Variants in GON4L observed in about 807,000 individuals in gnomAD.
GON4L encodes GON-4-like protein.
In GON4L, 87 loss-of-function variants were observed where a neutral mutation model predicts 211.8. That is an observed-to-expected ratio of 0.41 (90% CI 0.35 to 0.49). The LOEUF (loss-of-function observed/expected upper bound fraction) is 0.49. Among genes scored for constraint, GON4L ranks in the 20% least tolerant of loss-of-function variants. The probability of loss-of-function intolerance (pLI) is 0.15; values close to 1 mark genes in which losing one functional copy is unlikely to be tolerated. For missense variants in GON4L, 2,155 were observed against 2,659.5 expected (o/e 0.81, Z 4.17); for synonymous variants, 875 against 962.6 (o/e 0.91, Z 1.68).
intron 12 of GON4L, among the ~76,000 whole-genome samples, chr1:155,794,080 T>TC (rs1252563496): frequency 6.7e-6 from 1 of 149,526 alleles, no homozygotes; most frequent in East Asian, 2.0e-4. Context: ...CTTAAACCTC[T>TC]TTTTTTTTTC....
In GON4L at chr1:155,799,570, T is replaced by C. The variant is rs948581543; in HGVS notation, c.1646-4419A>G. Among the ~76,000 whole-genome samples, 3 of 152,220 alleles carry C rather than the reference T, an allele frequency of 2.0e-5. No individual in the cohort carries two copies. In the South Asian group the frequency reaches 6.2e-4, roughly 32 times the overall value. ...TCCCAGACCAGTAGTTTCCAATCCT[T>C]TAGATATATCAGAATTAGATCCCTA... is the stretch of plus-strand genomic sequence containing the variant. On this transcript the variant is annotated intron_variant, in intron 11 of 31. Coordinates refer to ENST00000368331, the MANE Select transcript of GON4L (RefSeq NM_001282860.2).
At chr1:155,767,039 AAAAAC>A (rs542258140) in intron 20 of GON4L, 2 of 558,878 alleles carry the variant, frequency 3.6e-6, no homozygotes, top group Non-Finnish European at 6.2e-6. Flanking sequence ...ACTCTGTCTC[AAAAAC>A]AAAACAAAAC....
chr1:155,848,185 T>C (rs957189866), intron 2 of GON4L, among the ~76,000 whole-genome samples: 4 of 152,204 alleles, frequency 2.6e-5, no homozygotes, highest in South Asian at 2.1e-4. Context: ...TTTTTCTCTA[T>C]TGGCTTGCAA....
intron 2 of GON4L, among the ~76,000 whole-genome samples, chr1:155,839,814 G>A (rs1428341837): frequency 6.6e-6 from 1 of 152,108 alleles, no homozygotes; most frequent in Non-Finnish European, 1.5e-5. Flanking sequence ...TCTAAAGAAT[G>A]GTCTCCTATG....
At chr1:155,785,028 A>C (rs1664804326) in intron 13 of GON4L, 1 of 415,796 alleles carries the variant, frequency 2.4e-6, no homozygotes, top group South Asian at 2.0e-5. Context: ...TGAGCCTAGA[A>C]GGTCAAGGCT....
intron 11 of GON4L, among the ~76,000 whole-genome samples, chr1:155,798,576 ATTTTTT>A (rs34273258): frequency 2.2e-5 from 2 of 89,542 alleles, no homozygotes; most frequent in African/African-American, 9.4e-5. Flanking sequence ...CGTCAGGCTA[ATTTTTT>A]TTTTTTTTTT....
intron 6 of GON4L, among the ~76,000 whole-genome samples, chr1:155,820,080 A>G (rs1240030294): frequency 6.6e-6 from 1 of 152,128 alleles, no homozygotes; most frequent in Admixed American, 6.5e-5. Flanking sequence ...CACCCAGCTA[A>G]TTTTTGTATT....
intron 10 of GON4L, among the ~76,000 whole-genome samples, chr1:155,810,081 C>T (rs1177315010): frequency 1.3e-5 from 2 of 148,696 alleles, no homozygotes; most frequent in African/African-American, 2.5e-5. Context: ...CTGCAACCTC[C>T]GCTTCCTGGG....
downstream of GON4L, among the ~76,000 whole-genome samples, chr1:155,745,346 G>A (rs1271171902): frequency 6.6e-6 from 1 of 152,266 alleles, no homozygotes; most frequent in African/African-American, 2.4e-5. Context: ...GGGGATCTGT[G>A]GACTTCTGAA....
chr1:155,809,232 G>A (rs1001976774), intron 10 of GON4L, among the ~76,000 whole-genome samples: 1 of 152,000 alleles, frequency 6.6e-6, no homozygotes, highest in African/African-American at 2.4e-5. Context: ...AAAGTTCTCT[G>A]ACAGGAAGTT....
rs756779285 is a variant in GON4L, at chr1:155,765,305, G to A, written c.4168C>T (p.Pro1390Ser). 6.2e-7 allele frequency: 1 copy of A among 1,614,170 alleles called. No homozygotes were observed. The highest frequency in any genetic ancestry group is 8.5e-7 in the Non-Finnish European group (1 of 1,180,024). The change falls in exon 21 of 32, where the codon CCT (proline) becomes TCT (serine). Residue 1390 changes from proline (P) to serine (S), a missense_variant. This residue lies in a region of GON4L where 615 missense variants were observed against 625.7 expected (regional missense o/e 0.98). Coordinates refer to ENST00000368331, the MANE Select transcript of GON4L (RefSeq NM_001282860.2). ...EEERSQPTKT[P>S]SSSQEPPDEG... ...TCAGGGGGCTCTTGAGAAGATGAAG[G>A]GGTTTTAGTTGGCTGACTCCTCTCC...
intron 14 of GON4L, among the ~76,000 whole-genome samples, chr1:155,780,955 T>C (rs765897124): frequency 6.6e-6 from 1 of 152,168 alleles, no homozygotes; most frequent in African/African-American, 2.4e-5. Flanking sequence ...TAGTATTTAC[T>C]GTGGGTTTGG....
Position 155,762,407 on chromosome 1 carries a change from GT to G in GON4L, c.4727-34del, listed in dbSNP as rs776875381. Reference sequence around the variant, plus strand: ...CACACATGAAAAGGATTGTTTCCCTGTCCCTGCAACCTGTGTTCTTCCCATT... The same window carrying G: ...CACACATGAAAAGGATTGTTTCCCTGCCCTGCAACCTGTGTTCTTCCCATT... On this transcript the variant is annotated intron_variant, in intron 22 of 31. Transcript: ENST00000368331. 44 of 1,552,234 alleles carry G rather than the reference GT, an allele frequency of 2.8e-5. 1 individual carries two copies. Among genetic ancestry groups the G allele is most frequent in the Non-Finnish European group, 3.7e-5 (42 of 1,137,792 alleles).
At chr1:155,852,711 C>T (rs1442106228) in intron 2 of GON4L, among the ~76,000 whole-genome samples, 1 of 152,174 alleles carries the variant, frequency 6.6e-6, no homozygotes, top group East Asian at 1.9e-4. Context: ...CCACTGCACC[C>T]TGGCCTGGGT....
intron 23 of GON4L, 85 bp from the exon 24 acceptor site, chr1:155,760,726 G>T: frequency 1.2e-6 from 1 of 868,992 alleles, no homozygotes; most frequent in South Asian, 1.4e-5. Context: ...GCAGGGTTAT[G>T]GTTAGAGAGC....
intron 12 of GON4L, among the ~76,000 whole-genome samples, chr1:155,791,491 G>GAAA (rs77118374): frequency 1.6e-5 from 2 of 128,186 alleles, no homozygotes. Flanking sequence ...TTTGCATAGG[G>GAAA]AAAAAAAAAA....
chr1:155,748,885 C>T (rs1660356201), downstream of GON4L: 2 of 1,162,738 alleles, frequency 1.7e-6, no homozygotes, highest in South Asian at 1.5e-5. Context: ...TGTTCCCTCC[C>T]CACCCCTTAA....
At chr1:155,855,337 T>C (rs1028503867) in intron 1 of GON4L, among the ~76,000 whole-genome samples, 4 of 152,112 alleles carry the variant, frequency 2.6e-5, no homozygotes, top group Admixed American at 2.0e-4. Flanking sequence ...TTTCAACTCA[T>C]ATCCCTAATA....
chr1:155,817,246 A>C (rs1408899909), intron 6 of GON4L, among the ~76,000 whole-genome samples: 1 of 152,130 alleles, frequency 6.6e-6, no homozygotes, highest in Non-Finnish European at 1.5e-5. Context: ...CTCCCACCTT[A>C]GCCTCTCAAA....
Sources: gnomAD v4.1 joint callset for allele counts (sites outside exome capture counted in the v4.1 genomes callset) on GRCh38, gnomAD v4.1.1 for gene constraint, gnomAD v4.1.1 regional missense constraint, MANE v1.5 for transcripts, NCBI Gene and HGNC (gene_info 2026-07-23, HGNC 2026-07-21) for gene names.